The following TNS3 variants were observed in gnomAD, a reference collection of about 807,000 sequenced individuals.
The protein encoded by TNS3 is tensin-3.
TNS3 carries 45 observed loss-of-function variants against 140.9 expected under a neutral mutation model. The observed-to-expected ratio is 0.32, with a 90% CI of 0.25 to 0.41. The LOEUF (loss-of-function observed/expected upper bound fraction) is 0.41. Ranked by LOEUF, TNS3 falls within the 10% of genes least tolerant of loss-of-function variation. The pLI is 1.00. For synonymous variants in TNS3, 815 were observed against 788.4 expected (o/e 1.03, Z -0.56); for missense variants, 1,716 against 1,906.7 (o/e 0.90, Z 1.86).
At chr7:47,348,249 A>G (rs1432675880) in intron 17 of TNS3, among the ~76,000 whole-genome samples, 1 of 152,244 alleles carries the variant, frequency 6.6e-6, no homozygotes, top group African/African-American at 2.4e-5. Context: ...TTAGTGACGG[A>G]AAGGAAGTGT....
chr7:47,403,298 C>T (rs927522649), intron 13 of TNS3: 1 of 152,376 alleles, frequency 6.6e-6, no homozygotes, highest in Non-Finnish European at 1.5e-5. Flanking sequence ...GCCACGGTGC[C>T]CAGGAGGTAC....
intron 1 of TNS3, among the ~76,000 whole-genome samples, chr7:47,540,268 C>T (rs1396597393): frequency 9.9e-5 from 15 of 152,094 alleles, no homozygotes; most frequent in Non-Finnish European, 1.6e-4. Flanking sequence ...TGAGGTTCTT[C>T]CCAGGAACAA....
chr7:47,455,525 C>T (rs545212782), intron 4 of TNS3, among the ~76,000 whole-genome samples: 19 of 152,222 alleles, frequency 1.2e-4, no homozygotes, highest in Middle Eastern at 3.4e-3. Context: ...CTTTCATATC[C>T]ACAAATGCAA....
At chr7:47,440,191 G>A (rs1392699637) in intron 5 of TNS3, among the ~76,000 whole-genome samples, 1 of 152,164 alleles carries the variant, frequency 6.6e-6, no homozygotes, top group Admixed American at 6.5e-5. Flanking sequence ...TGCGGCCAAG[G>A]ATGAGGCTGG....
intron 1 of TNS3, among the ~76,000 whole-genome samples, chr7:47,556,094 C>A (rs916902276): frequency 6.6e-6 from 1 of 152,158 alleles, no homozygotes; most frequent in South Asian, 2.1e-4. Flanking sequence ...TACACACATA[C>A]GCATATAAAC....
intron 10 of TNS3, among the ~76,000 whole-genome samples, chr7:47,416,530 AT>A (rs34882293): frequency 6.6e-6 from 1 of 152,184 alleles, no homozygotes; most frequent in East Asian, 1.9e-4. Flanking sequence ...GCATGTCAGT[AT>A]TTCCATCTTC....
At chr7:47,376,639 A>G (rs1791401398) in intron 16 of TNS3, among the ~76,000 whole-genome samples, 1 of 151,868 alleles carries the variant, frequency 6.6e-6, no homozygotes, top group African/African-American at 2.4e-5. Context: ...TGAAATTTAA[A>G]CCAACCTCCC....
intron 9 of TNS3, among the ~76,000 whole-genome samples, chr7:47,426,021 CA>C (rs924546727): frequency 1.2e-4 from 17 of 146,352 alleles, no homozygotes; most frequent in East Asian, 4.0e-4. Context: ...ACCTAAATTA[CA>C]AAAAAAAAAC....
At chr7:47,582,507 G>A (rs962207996), upstream of TNS3, 4 of 456,454 alleles carry the variant, frequency 8.8e-6, no homozygotes, top group African/African-American at 4.0e-5. Context: ...GGTGCTCTCC[G>A]GGAGCAAGAC....
At chr7:47,526,778 C>T (rs184442493) in intron 2 of TNS3, among the ~76,000 whole-genome samples, 37 of 152,308 alleles carry the variant, frequency 2.4e-4, no homozygotes, top group Non-Finnish European at 4.3e-4. Context: ...CCAATGGCTC[C>T]GCTGGCACAG....
intron 11 of TNS3, 48 bp from the exon 12 acceptor site, chr7:47,414,045 G>A (rs748846352): frequency 1.1e-5 from 18 of 1,594,410 alleles, no homozygotes; most frequent in Admixed American, 1.0e-4. Flanking sequence ...GGTACAGAAC[G>A]AACAGGAATT....
At chr7:47,472,996 C>G (rs541850611) in intron 4 of TNS3, among the ~76,000 whole-genome samples, 1 of 152,160 alleles carries the variant, frequency 6.6e-6, no homozygotes, top group East Asian at 1.9e-4. Context: ...TTCTGCTGAG[C>G]GACCTCACGC....
rs1798032338 is a variant in TNS3 at position 47,496,928 on chromosome 7, G to C, written c.-115+9979C>G. The stretch of plus-strand genomic sequence containing the variant: ...AGTAGAAAGAAGGGCAGCCAGTCAG[G>C]GGAAAGGTCACAGAGCTGGCCAGAA... On this transcript the variant is annotated intron_variant, in intron 3 of 30. Transcript: ENST00000311160. Among the ~76,000 whole-genome samples the C allele has an allele frequency of 2.6e-5, 4 of 152,166 alleles. No individual in the cohort carries two copies. The South Asian group carries it at 8.3e-4, about 31-fold the overall frequency.
At chr7:47,436,225 G>A (rs554292243) in intron 7 of TNS3, among the ~76,000 whole-genome samples, 1 of 152,112 alleles carries the variant, frequency 6.6e-6, no homozygotes, top group South Asian at 2.1e-4. Context: ...TATACATTTA[G>A]CATAATTGAG....
intron 3 of TNS3, chr7:47,481,730 C>G (rs1797427447): frequency 1.1e-5 from 11 of 985,118 alleles, no homozygotes; most frequent in African/African-American, 1.7e-5. Flanking sequence ...CGAGAGCTCC[C>G]TGGGAAAGAT....
At chr7:47,329,710 G>A (rs1468434563) in intron 20 of TNS3, among the ~76,000 whole-genome samples, 9 of 152,110 alleles carry the variant, frequency 5.9e-5, no homozygotes, top group South Asian at 2.1e-4. Flanking sequence ...GGCCTTTCCC[G>A]TGCCTGTCAC....
At chr7:47,576,572 C>T (rs905044801) in intron 1 of TNS3, among the ~76,000 whole-genome samples, 1 of 152,196 alleles carries the variant, frequency 6.6e-6, no homozygotes, top group African/African-American at 2.4e-5. Flanking sequence ...TGATGGATTA[C>T]AAGGTGGAGA....
At chr7:47,380,075 CA>C (rs1339738219) in intron 16 of TNS3, among the ~76,000 whole-genome samples, 1 of 152,258 alleles carries the variant, frequency 6.6e-6, no homozygotes, top group Non-Finnish European at 1.5e-5. Context: ...GGCCAGATTC[CA>C]AGCGCTCCCG....
intron 20 of TNS3, among the ~76,000 whole-genome samples, chr7:47,323,178 A>T (rs964243948): frequency 1.3e-5 from 2 of 152,134 alleles, no homozygotes; most frequent in Non-Finnish European, 2.9e-5. Context: ...ATACCTTTTC[A>T]CCCACAGTGC....
Sources: allele counts gnomAD v4.1 joint callset (sites outside exome capture counted in the v4.1 genomes callset), GRCh38; gene constraint gnomAD v4.1.1; transcripts MANE v1.5; gene names NCBI Gene and HGNC (gene_info 2026-07-23, HGNC 2026-07-21).